Variants in HDGFL3 observed in about 807,000 individuals in gnomAD.
HDGFL3 encodes hepatoma-derived growth factor-related protein 3.
In HDGFL3, 6 loss-of-function variants were observed where a neutral mutation model predicts 27.6. The ratio of observed to expected loss-of-function variants is 0.22; its 90% confidence interval spans 0.12 to 0.43. HDGFL3 has a LOEUF of 0.43. HDGFL3 is among the 20% of genes least tolerant of loss of function. The pLI, the probability that HDGFL3 is intolerant of heterozygous loss-of-function variation, is 1.00. For missense variants in HDGFL3, 207 were observed against 250.1 expected (o/e 0.83, Z 1.16); for synonymous variants, 88 against 88.9 (o/e 0.99, Z 0.05).
In HDGFL3 at chr15:83,138,012, AAAAG is replaced by A. The variant is rs1279147923; in HGVS notation, c.*1254_*1257del. 18 of 152,368 alleles carry A rather than the reference AAAAG, an allele frequency of 1.2e-4. No individual in the cohort carries two copies. Among genetic ancestry groups the A allele is most frequent in the South Asian group, 2.1e-4 (1 of 4,826 alleles). The allele number at this position is 152,368 out of a possible 1,614,324, so 9.4% of individuals were successfully genotyped here. A position where few individuals can be genotyped will look rare whatever the true frequency, so the allele number is the denominator to read the frequency against. ...AACCCAGAGAGTGTTTAAAAAAAAA[AAAAG>A]AAAGAAAAAGAAAAACCCTCACCTG... is the stretch of plus-strand genomic sequence containing the variant. On this transcript the variant is annotated 3_prime_UTR_variant, in exon 6 of 6. Coordinates refer to ENST00000299633, the MANE Select transcript of HDGFL3 (RefSeq NM_016073.4).
chr15:83,159,694 G>A (rs2037073956), intron 2 of HDGFL3, among the ~76,000 whole-genome samples: 1 of 152,206 alleles, frequency 6.6e-6, no homozygotes, highest in Non-Finnish European at 1.5e-5. Context: ...CAGTTACCTG[G>A]AGAAGAAAAG....
At chr15:83,124,801 G>GT (rs1162430329), downstream of HDGFL3, 3 of 1,539,872 alleles carry the variant, frequency 1.9e-6, no homozygotes, top group Admixed American at 5.1e-5. Context: ...TCATAATAAC[G>GT]TAACATTGTG....
intron 4 of HDGFL3, among the ~76,000 whole-genome samples, chr15:83,153,503 G>C (rs1481001598): frequency 2.6e-5 from 4 of 152,182 alleles, no homozygotes; most frequent in African/African-American, 9.6e-5. Context: ...ATTCTATGAA[G>C]AAATCTGGTT....
chr15:83,122,756 G>T (rs138286949), downstream of HDGFL3: 5 of 1,613,012 alleles, frequency 3.1e-6, no homozygotes, highest in African/African-American at 6.7e-5. Flanking sequence ...CTTTTAAATA[G>T]GGAAGTATGG....
intron 1 of HDGFL3, chr15:83,169,215 T>C: frequency 2.3e-6 from 1 of 443,452 alleles, no homozygotes; most frequent in Non-Finnish European, 4.5e-6. Flanking sequence ...AAGACAAGGA[T>C]GTCTACCTTC....
rs368053447 is a variant in HDGFL3 at position 83,172,666 on chromosome 15, C to T, written c.85-8591G>A. Among the ~76,000 whole-genome samples, 48 of 151,844 alleles carry T rather than the reference C, an allele frequency of 3.2e-4. 2 individuals are homozygous for T. The East Asian group carries it at 5.8e-3, about 18-fold the overall frequency. On this transcript the variant is annotated intron_variant, in intron 1 of 5. Transcript: ENST00000299633. ...CAGCCTGGCCAACATGGTGAAACTC[C>T]GTCTCTACTAAAAATACAAAACCTC...
At chr15:83,121,787 T>A in intron 3 of HDGFL3, 1 of 669,820 alleles carries the variant, frequency 1.5e-6, no homozygotes. Flanking sequence ...GTTTGATTTA[T>A]TCCTCTCAAT....
At chr15:83,182,881 A>T (rs1407502360) in intron 1 of HDGFL3, among the ~76,000 whole-genome samples, 3 of 152,242 alleles carry the variant, frequency 2.0e-5, no homozygotes, top group Non-Finnish European at 4.4e-5. Flanking sequence ...ATGGATGAAC[A>T]GAGATTGTTA....
chr15:83,202,716 T>G (rs2037663414), intron 1 of HDGFL3, among the ~76,000 whole-genome samples: 1 of 152,136 alleles, frequency 6.6e-6, no homozygotes, highest in Admixed American at 6.5e-5. Flanking sequence ...TGATACATTT[T>G]TACATATGTA....
downstream of HDGFL3, chr15:83,127,398 C>T: frequency 6.2e-7 from 1 of 1,613,966 alleles, no homozygotes; most frequent in Non-Finnish European, 8.5e-7. Flanking sequence ...TACTTTGTGA[C>T]TGCACTGTAT....
chr15:83,173,342 T>A (rs943676750), intron 1 of HDGFL3, among the ~76,000 whole-genome samples: 1 of 152,222 alleles, frequency 6.6e-6, no homozygotes, highest in South Asian at 2.1e-4. Context: ...GACGACTTTG[T>A]CCAGCTATAG....
At chr15:83,157,229 CA>C (rs1342725906) in intron 4 of HDGFL3, 185 bp downstream of exon 4, 1 of 627,290 alleles carries the variant, frequency 1.6e-6, no homozygotes, top group Non-Finnish European at 2.8e-6. Flanking sequence ...CCTAAAGAGT[CA>C]ATAGTCAGAT....
chr15:83,125,551 A>C (rs990837402), downstream of HDGFL3, among the ~76,000 whole-genome samples: 1 of 152,240 alleles, frequency 6.6e-6, no homozygotes, highest in Admixed American at 6.5e-5. Context: ...GCTCTTATAC[A>C]TAGTAAATGA....
chr15:83,140,891 A>G (rs562248194), intron 5 of HDGFL3, among the ~76,000 whole-genome samples: 3 of 152,196 alleles, frequency 2.0e-5, no homozygotes, highest in Non-Finnish European at 4.4e-5. Flanking sequence ...ACATCAAAGA[A>G]TATTTTTGGA....
At chr15:83,192,556 G>A (rs562965492) in intron 1 of HDGFL3, among the ~76,000 whole-genome samples, 46 of 152,266 alleles carry the variant, frequency 3.0e-4, no homozygotes, top group African/African-American at 1.1e-3. Flanking sequence ...ATTTCCATAA[G>A]TACAGGTTAA....
At position 83,135,186 on chromosome 15, in the gene HDGFL3, T is replaced by C. The variant is rs548844435; in HGVS notation, c.*4084A>G. On this transcript the variant is annotated 3_prime_UTR_variant, in exon 6 of 6. Coordinates refer to ENST00000299633, the MANE Select transcript of HDGFL3 (RefSeq NM_016073.4). ...CAGGAATTTGTAAAAATGCAGCCCATTAAAATATCTGCCACTGATAAAAAA... is the reference window on the plus strand; with the variant it reads ...CAGGAATTTGTAAAAATGCAGCCCACTAAAATATCTGCCACTGATAAAAAA... 1 of 152,322 alleles carries C rather than the reference T, an allele frequency of 6.6e-6. No individual in the cohort carries two copies. Among genetic ancestry groups the C allele is most frequent in the East Asian group, 1.9e-4 (1 of 5,190 alleles). The allele number at this position is 152,322 out of a possible 1,614,324, so 9.4% of individuals were successfully genotyped here.
At chr15:83,170,887 A>C (rs991097021) in intron 1 of HDGFL3, among the ~76,000 whole-genome samples, 3 of 151,874 alleles carry the variant, frequency 2.0e-5, no homozygotes, top group Non-Finnish European at 2.9e-5. Context: ...AAAAAAAAAA[A>C]AAAACAAATA....
In HDGFL3 at chr15:83,197,111, T is replaced by C. The variant is rs2037579132; in HGVS notation, c.84+10220A>G. 2.6e-5 allele frequency among the ~76,000 whole-genome samples: 4 copies of C among 152,348 alleles called. 1 individual carries two copies. The South Asian group carries it at 6.2e-4, about 24-fold the overall frequency. The stretch of plus-strand genomic sequence containing the variant: ...CCAGGAGTGTACTCAAAACGAAGAA[T>C]GGAGACCATGATATTTCATAACTCT... On this transcript the variant is annotated intron_variant, in intron 1 of 5. Transcript: ENST00000299633.
intron 2 of HDGFL3, among the ~76,000 whole-genome samples, chr15:83,159,023 T>TAG (rs2037065889): frequency 6.6e-6 from 1 of 152,172 alleles, no homozygotes; most frequent in South Asian, 2.1e-4. Context: ...GTATTTTTAG[T>TAG]AGAGACGGGG....
Sources: allele counts gnomAD v4.1 joint callset (sites outside exome capture counted in the v4.1 genomes callset), GRCh38; gene constraint gnomAD v4.1.1; transcripts MANE v1.5; gene names NCBI Gene and HGNC (gene_info 2026-07-23, HGNC 2026-07-21).